RBFOX1: variants seen among roughly 807,000 people sequenced by gnomAD.
RBFOX1 encodes RNA binding fox-1 homolog 1.
In RBFOX1, 8 loss-of-function variants were observed where a neutral mutation model predicts 57.7. That is an observed-to-expected ratio of 0.14 (90% confidence interval 0.08 to 0.25). The LOEUF is 0.25. Among genes scored for constraint, RBFOX1 ranks in the 10% least tolerant of loss-of-function variants. The probability of loss-of-function intolerance (pLI) is 1.00; values close to 1 mark genes in which losing one functional copy is unlikely to be tolerated. For synonymous variants in RBFOX1, 326 were observed against 222.4 expected, an observed-to-expected ratio of 1.47 and a Z score of -4.15; for missense variants, 611 against 548.5, an observed-to-expected ratio of 1.11 and a Z score of -1.14.
chr16:6,768,086 T>A (rs1315442769), intron 3 of RBFOX1, among the ~76,000 whole-genome samples: 1 of 151,460 alleles, frequency 6.6e-6, no homozygotes, highest in East Asian at 1.9e-4. Context: ...TAGCTGGAAA[T>A]ATGAATCCAC....
At chr16:6,171,554 G>A (rs2096960828) in intron 1 of RBFOX1, among the ~76,000 whole-genome samples, 1 of 152,108 alleles carries the variant, frequency 6.6e-6, no homozygotes, top group Non-Finnish European at 1.5e-5. Context: ...GATTTGGAGT[G>A]GTTCTGCAAA....
In RBFOX1 at chr16:7,453,606, A is replaced by G. The variant is rs144980413; in HGVS notation, c.28-64541A>G. ...TGGCACTTTGATGAGCAGGCACTGT[A>G]TATAGTTTCATACACATGTTAAAGC... is the stretch of plus-strand genomic sequence containing the variant. On this transcript the variant is annotated intron_variant, in intron 4 of 15. Transcript: ENST00000550418. Among the ~76,000 whole-genome samples, 137 of 152,274 alleles carry G rather than the reference A, an allele frequency of 9.0e-4. 1 individual carries two copies. Among genetic ancestry groups the G allele is most frequent in the African/African-American group, 3.2e-3 (134 of 41,550 alleles).
intron 2 of RBFOX1, among the ~76,000 whole-genome samples, chr16:6,481,391 A>T (rs984316741): frequency 9.2e-5 from 14 of 152,204 alleles, no homozygotes; most frequent in Admixed American, 7.2e-4. Flanking sequence ...CAAGGTTGTC[A>T]CGCTCTGTGA....
chr16:6,636,895 AATATATGTATAAAC>A lies in RBFOX1; in HGVS notation c.-63-17694_-63-17681del, dbSNP rs1331543279. On this transcript the variant is annotated intron_variant, in intron 2 of 15. Coordinates refer to ENST00000550418, the MANE Select transcript of RBFOX1 (RefSeq NM_018723.4). Reference sequence around the variant, plus strand: ...TATGTTTAATATATTTATATGTTTAAATATATGTATAAACATATATGTATAAATTATGTATAAAT... The same window carrying A: ...TATGTTTAATATATTTATATGTTTAAATATATGTATAAATTATGTATAAAT... Among the ~76,000 whole-genome samples the A allele has an allele frequency of 3.6e-3, 472 of 130,096 alleles. 5 individuals carry two copies. Among genetic ancestry groups the A allele is most frequent in the African/African-American group, 0.013 (422 of 33,676 alleles). 85.3% of individuals were successfully genotyped at this position (130,096 alleles called of 152,430 possible). A position where few individuals can be genotyped will look rare whatever the true frequency, so the allele number is the denominator to read the frequency against.
chr16:5,951,249 A>G (rs2059513625), intron 4 of RBFOX1, among the ~76,000 whole-genome samples: 1 of 152,148 alleles, frequency 6.6e-6, no homozygotes, highest in Non-Finnish European at 1.5e-5. Flanking sequence ...GGAGTTTGAG[A>G]CCAGCCTGGA....
Position 7,020,867 on chromosome 16 carries a change from C to T in RBFOX1, c.-15-31190C>T, listed in dbSNP as rs566959460. On this transcript the variant is annotated intron_variant, in intron 3 of 15. Transcript: ENST00000550418. The stretch of plus-strand genomic sequence containing the variant: ...CGAGGCCAGTCTTGAAGGCTCATGC[C>T]TGTAATCCCAGAACTTTGCGATGCT... Among the ~76,000 whole-genome samples, 4 of 152,302 alleles carry T rather than the reference C, an allele frequency of 2.6e-5. No individual in the cohort carries two copies. In the East Asian group the frequency reaches 7.7e-4, roughly 30 times the overall value.
At chr16:7,587,145 T>G in intron 6 of RBFOX1, 102 bp from the exon 7 acceptor site, 1 of 1,280,272 alleles carries the variant, frequency 7.8e-7, no homozygotes, top group Non-Finnish European at 1.0e-6. Flanking sequence ...ATCCTTGGTA[T>G]TAAAAGAGAA....
intron 4 of RBFOX1, among the ~76,000 whole-genome samples, chr16:7,235,869 G>A (rs549075252): frequency 3.3e-5 from 5 of 152,294 alleles, no homozygotes; most frequent in African/African-American, 9.6e-5. Flanking sequence ...CAATGAAGCA[G>A]TGTGGATCCA....
chr16:7,518,521 C>T, intron 5 of RBFOX1, 132 bp downstream of exon 5: 2 of 1,200,698 alleles, frequency 1.7e-6, no homozygotes, highest in Non-Finnish European at 1.1e-6. Flanking sequence ...CCACCCTCAT[C>T]ATACCAGCTT....
chr16:6,951,584 C>G (rs1005663006), intron 3 of RBFOX1, among the ~76,000 whole-genome samples: 1 of 152,032 alleles, frequency 6.6e-6, no homozygotes, highest in African/African-American at 2.4e-5. Context: ...TCTCCTTGTA[C>G]CTTGTTCTCA....
intron 1 of RBFOX1, among the ~76,000 whole-genome samples, chr16:5,447,377 A>ACTCTCTCTCTCTCTCTCTCTCT (rs1491576897): frequency 2.3e-4 from 8 of 34,630 alleles, no homozygotes; most frequent in East Asian, 9.7e-4. Flanking sequence ...TCAATCAATC[A>ACTCTCTCTCTCTCTCTCTCTCT]ATCTCTCTCT....
intron 4 of RBFOX1, among the ~76,000 whole-genome samples, chr16:7,180,453 A>G (rs1378577525): frequency 2.0e-5 from 3 of 152,220 alleles, no homozygotes; most frequent in Admixed American, 1.3e-4. Flanking sequence ...CCTACATTCT[A>G]CAGACGTGTT....
At chr16:6,312,244 G>C (rs190130121) in intron 1 of RBFOX1, among the ~76,000 whole-genome samples, 3 of 152,288 alleles carry the variant, frequency 2.0e-5, no homozygotes, top group African/African-American at 7.2e-5. Flanking sequence ...GTCAGGAGGT[G>C]TTCTAGGTCC....
chr16:7,295,547 A>C (rs2095872075), intron 4 of RBFOX1, among the ~76,000 whole-genome samples: 1 of 152,202 alleles, frequency 6.6e-6, no homozygotes, highest in Admixed American at 6.5e-5. Flanking sequence ...CCTTAGAATG[A>C]AACTGAGGTT....
intron 4 of RBFOX1, among the ~76,000 whole-genome samples, chr16:7,083,588 TCA>T (rs1299432519): frequency 6.6e-6 from 1 of 152,180 alleles, no homozygotes; most frequent in Non-Finnish European, 1.5e-5. Context: ...GTAAGAGAAC[TCA>T]GTCTGCTAAC....
rs1201796050 is a variant in RBFOX1, at chr16:6,655,368, C to T, written c.-16+718C>T. 1.9e-4 allele frequency among the ~76,000 whole-genome samples: 8 copies of T among 42,914 alleles called. No individual in the cohort carries two copies. The South Asian group carries it at 5.2e-3, about 28-fold the overall frequency. The allele number at this position is 42,914 out of a possible 152,430, so 28.2% of individuals were successfully genotyped here. On this transcript the variant is annotated intron_variant, in intron 3 of 15. Coordinates refer to ENST00000550418, the MANE Select transcript of RBFOX1 (RefSeq NM_018723.4). ...CAGCCTGAGTGACAAAATAAGCCTC[C>T]GTTTCAAAAAAAAAAAAAAAAAAAA...
chr16:5,888,124 C>T (rs758686377), intron 4 of RBFOX1, among the ~76,000 whole-genome samples: 4 of 152,184 alleles, frequency 2.6e-5, no homozygotes, highest in Non-Finnish European at 4.4e-5. Flanking sequence ...TCCACTTGCT[C>T]ATTCCCCAGC....
At chr16:5,327,502 G>A (rs1441868674) in intron 1 of RBFOX1, among the ~76,000 whole-genome samples, 1 of 152,218 alleles carries the variant, frequency 6.6e-6, no homozygotes, top group Non-Finnish European at 1.5e-5. Flanking sequence ...TCTTGACACT[G>A]CCTGACTTTG....
At chr16:6,090,677 A>C (rs1272281568) in intron 1 of RBFOX1, among the ~76,000 whole-genome samples, 1 of 152,224 alleles carries the variant, frequency 6.6e-6, no homozygotes, top group African/African-American at 2.4e-5. Flanking sequence ...CTGTGAAAGC[A>C]GGGTTTACTG....
Sources: gnomAD v4.1 joint callset for allele counts (sites outside exome capture counted in the v4.1 genomes callset) on GRCh38, gnomAD v4.1.1 for gene constraint, MANE v1.5 for transcripts, NCBI Gene and HGNC (gene_info 2026-07-23, HGNC 2026-07-21) for gene names.